Variants in PLCG2 observed in about 807,000 individuals in gnomAD.
The protein encoded by PLCG2 is 1-phosphatidylinositol 4,5-bisphosphate phosphodiesterase gamma-2.
Under a neutral mutation model 175.6 loss-of-function variants are expected in PLCG2, and 69 were observed. The ratio of observed to expected loss-of-function variants is 0.39; its 90% CI spans 0.32 to 0.48. PLCG2 has a LOEUF of 0.48. Among genes scored for constraint, PLCG2 ranks in the 20% least tolerant of loss-of-function variants. PLCG2 has a pLI of 0.91. For missense variants in PLCG2, 1,798 were observed against 1,650.9 expected (o/e 1.09, Z -1.54); for synonymous variants, 827 against 624.0 (o/e 1.33, Z -4.85).
chr16:81,939,445 C>G lies in PLCG2; in HGVS notation c.3314-447C>G, dbSNP rs148022573. ...GCCCAATGAACAACTCAGATGCTGACCAAATAAACTGGCATTTATGGAGAG... is the reference window on the plus strand; with the variant it reads ...GCCCAATGAACAACTCAGATGCTGAGCAAATAAACTGGCATTTATGGAGAG... On this transcript the variant is annotated intron_variant, in intron 29 of 32. Transcript: ENST00000564138. Among the ~76,000 whole-genome samples the G allele has an allele frequency of 4.6e-4, 70 of 152,298 alleles. No individual in the cohort carries two copies. The East Asian group carries it at 0.012, about 26-fold the overall frequency.
intron 13 of PLCG2, among the ~76,000 whole-genome samples, chr16:81,899,289 T>TATATATATATATACACACACACAC (rs908648451): frequency 4.3e-5 from 4 of 92,420 alleles, no homozygotes; most frequent in African/African-American, 1.1e-4. Flanking sequence ...TATATATATA[T>TATATATATATATACACACACACAC]ACACACACAC....
chr16:81,878,616 C>T (rs948830023), intron 7 of PLCG2, among the ~76,000 whole-genome samples: 1 of 152,122 alleles, frequency 6.6e-6, no homozygotes, highest in Admixed American at 6.5e-5. Flanking sequence ...GAGTCTATTC[C>T]CGTCTTGTTT....
At chr16:81,791,675 C>T (rs1484508756) in intron 2 of PLCG2, among the ~76,000 whole-genome samples, 1 of 152,162 alleles carries the variant, frequency 6.6e-6, no homozygotes, top group African/African-American at 2.4e-5. Flanking sequence ...AGCTATTCTC[C>T]CACCTCAGCC....
rs368933697 is a variant in PLCG2 at position 81,919,640 on chromosome 16, C to A, written c.2211C>A (p.Pro737=). 1.9e-5 allele frequency: 31 copies of A among 1,613,880 alleles called. No individual in the cohort carries two copies. Among genetic ancestry groups the A allele is most frequent in the Non-Finnish European group, 2.6e-5 (31 of 1,179,896 alleles). The change falls in exon 20 of 33, where the codon CCC becomes CCA. Residue 737 remains proline, a synonymous_variant. Coordinates refer to ENST00000564138, the MANE Select transcript of PLCG2 (RefSeq NM_002661.5). ...RKMRLRYPVT[P]ELLERYNMER... Reference sequence around the variant, plus strand: ...TGAGACTGCGCTACCCCGTGACCCCCGAGCTCCTGGAGCGCTACAATATGG... The same window carrying A: ...TGAGACTGCGCTACCCCGTGACCCCAGAGCTCCTGGAGCGCTACAATATGG...
At chr16:81,752,288 C>T (rs1909827829) in intron 1 of PLCG2, among the ~76,000 whole-genome samples, 2 of 152,034 alleles carry the variant, frequency 1.3e-5, no homozygotes, top group Admixed American at 1.3e-4. Context: ...TTCCAGCTTC[C>T]CCAGGTGGAA....
intron 2 of PLCG2, among the ~76,000 whole-genome samples, chr16:81,799,620 A>G (rs1430389812): frequency 2.3e-5 from 3 of 128,394 alleles, no homozygotes; most frequent in Non-Finnish European, 4.9e-5. Context: ...TTTTTTTGAG[A>G]CAGAGTCTCG....
At chr16:81,912,743 C>G (rs773916539) in intron 19 of PLCG2, 27 bp downstream of exon 19, 14 of 1,574,202 alleles carry the variant, frequency 8.9e-6, no homozygotes, top group Non-Finnish European at 1.2e-5. Context: ...GAGGCACATG[C>G]TCTACAGAGG....
upstream of PLCG2, among the ~76,000 whole-genome samples, chr16:81,776,981 T>G (rs1370020181): frequency 6.6e-6 from 1 of 152,168 alleles, no homozygotes. Flanking sequence ...TAGGGGTTGG[T>G]TAGCAAAAAA....
chr16:81,956,900 G>C, intron 32 of PLCG2, 21 bp downstream of exon 32: 12 of 1,604,224 alleles, frequency 7.5e-6, no homozygotes, highest in Non-Finnish European at 1.0e-5. Context: ...CCCTCCACCT[G>C]CAAAAACTTT....
At chr16:81,774,494 AG>A (rs1910354591), upstream of PLCG2, among the ~76,000 whole-genome samples, 1 of 152,206 alleles carries the variant, frequency 6.6e-6, no homozygotes, top group African/African-American at 2.4e-5. Flanking sequence ...CCTCTCACAG[AG>A]GCCTGCCAGC....
intron 2 of PLCG2, among the ~76,000 whole-genome samples, chr16:81,842,107 A>G (rs991931186): frequency 2.6e-5 from 4 of 152,240 alleles, no homozygotes; most frequent in Non-Finnish European, 5.9e-5. Context: ...AAGAGAAGGG[A>G]TGCAACGTGC....
chr16:81,877,972 A>ATT (rs1907888702), intron 7 of PLCG2, among the ~76,000 whole-genome samples: 43 of 35,288 alleles, frequency 1.2e-3, no homozygotes, highest in Admixed American at 1.9e-3. Context: ...TTTTTTTTTT[A>ATT]ATTTTTTTTT....
rs1907695346 is a variant in PLCG2 at position 81,874,948 on chromosome 16, G to GTTTTTTTGTTTTTTTGTTCTTT, written c.648+4020_648+4021insGTTTTTTTGTTCTTTTTTTTTT. 1.2e-4 allele frequency among the ~76,000 whole-genome samples: 5 copies of GTTTTTTTGTTTTTTTGTTCTTT among 40,770 alleles called. 1 individual carries two copies. The highest frequency in any genetic ancestry group is 1.6e-4 in the African/African-American group (2 of 12,830). 26.7% of individuals were successfully genotyped at this position (40,770 alleles called of 152,430 possible). A position where few individuals can be genotyped will look rare whatever the true frequency, so the allele number is the denominator to read the frequency against. On this transcript the variant is annotated intron_variant, in intron 7 of 32. Transcript: ENST00000564138. ...CTATTTGCTAGGCACTATCCTATGTGTTTTTTTTTTTTTTTTTTTTTTTTT... is the reference window on the plus strand; with the variant it reads ...CTATTTGCTAGGCACTATCCTATGTGTTTTTTTGTTTTTTTGTTCTTTTTTTTTTTTTTTTTTTTTTTTTTTT...
chr16:81,878,395 C>T (rs1444881277), intron 7 of PLCG2, among the ~76,000 whole-genome samples: 1 of 152,172 alleles, frequency 6.6e-6, no homozygotes, highest in Non-Finnish European at 1.5e-5. Flanking sequence ...CAAAGAAGGT[C>T]ATGCCCATGG....
chr16:81,923,367 C>G, intron 21 of PLCG2, 118 bp from the exon 22 acceptor site: 1 of 627,784 alleles, frequency 1.6e-6, no homozygotes, highest in Non-Finnish European at 2.8e-6. Flanking sequence ...GACTTTGTAA[C>G]CTTGGCCTGA....
At chr16:81,750,115 T>C (rs1000474107) in intron 1 of PLCG2, among the ~76,000 whole-genome samples, 3 of 151,880 alleles carry the variant, frequency 2.0e-5, no homozygotes, top group Non-Finnish European at 2.9e-5. Context: ...ATGTATAAGA[T>C]CCAGCAATTT....
At chr16:81,950,177 T>C (rs368242901) in intron 31 of PLCG2, among the ~76,000 whole-genome samples, 2 of 152,140 alleles carry the variant, frequency 1.3e-5, no homozygotes, top group Non-Finnish European at 2.9e-5. Flanking sequence ...ATCCTCCTAT[T>C]AGAAAAGAAA....
intron 2 of PLCG2, among the ~76,000 whole-genome samples, chr16:81,760,152 T>C (rs918584484): frequency 2.0e-5 from 3 of 152,256 alleles, no homozygotes; most frequent in African/African-American, 7.2e-5. Flanking sequence ...GAATGAGGAA[T>C]TTATTAAAGG....
intron 2 of PLCG2, among the ~76,000 whole-genome samples, chr16:81,787,393 ATTTT>A (rs67160306): frequency 4.2e-5 from 4 of 94,554 alleles, no homozygotes; most frequent in East Asian, 2.6e-4. Context: ...GGATAATTTA[ATTTT>A]TTTTTTTTTT....
Sources: gnomAD v4.1 joint callset for allele counts (sites outside exome capture counted in the v4.1 genomes callset) on GRCh38, gnomAD v4.1.1 for gene constraint, MANE v1.5 for transcripts, NCBI Gene and HGNC (gene_info 2026-07-23, HGNC 2026-07-21) for gene names.